Variants in NBPF20 observed in about 807,000 individuals in gnomAD.
NBPF20 encodes NBPF member 20.
Under a neutral mutation model 68.1 loss-of-function variants are expected in NBPF20, and 90 were observed. The ratio of observed to expected loss-of-function variants is 1.32; its 90% CI spans 1.11 to 1.58. NBPF20 has a LOEUF of 1.58. Ranked by LOEUF, NBPF20 falls within the 40% of genes most tolerant of loss-of-function variation. NBPF20 has a pLI of 0.00. For missense variants in NBPF20, 816 were observed against 601.2 expected (o/e 1.36, Z -3.74); for synonymous variants, 290 against 228.1 (o/e 1.27, Z -2.45).
rs1264204034 is a variant in NBPF20 at position 145,291,347 on chromosome 1, C to G, written c.*179G>C. The G allele has an allele frequency of 1.9e-4, 246 of 1,278,330 alleles. 4 individuals are homozygous for G. The highest frequency in any genetic ancestry group is 2.8e-4 in the Middle Eastern group (1 of 3,588). 79.2% of individuals were successfully genotyped at this position (1,278,330 alleles called of 1,614,324 possible). On this transcript the variant is annotated 3_prime_UTR_variant, in exon 138 of 138. Coordinates refer to ENST00000369373, the Ensembl canonical transcript of NBPF20. ...GAACGTGTCACACCTAACGTGGGTC[C>G]ATTGTCTTCAGACTGAGCACAGGTT...
At chr1:145,415,215 A>G in the NBPF20 span, among the ~76,000 whole-genome samples, 3 of 151,512 alleles carry the variant, frequency 2.0e-5, no homozygotes, top group South Asian at 6.3e-4. Flanking sequence ...AAACATCTCA[A>G]TGCCTTAAAG....
At chr1:145,412,473 CTG>C in the NBPF20 span, among the ~76,000 whole-genome samples, 1 of 152,006 alleles carries the variant, frequency 6.6e-6, no homozygotes, top group Non-Finnish European at 1.5e-5. Context: ...ATATTATAAA[CTG>C]TATCATCTTA....
exon 138 of NBPF20, chr1:145,291,691 T>C (rs587679353): frequency 2.5e-6 from 4 of 1,611,912 alleles, no homozygotes; most frequent in Non-Finnish European, 3.4e-6. Context: ...CAAAGTACAT[T>C]GACGGAGTAG....
chr1:145,407,660 G>A (rs1402105849), upstream of NBPF20: 2 of 151,366 alleles, frequency 1.3e-5, no homozygotes, highest in East Asian at 3.9e-4. Context: ...GTGGCGAGGA[G>A]GACAGCACCT....
intron 2 of NBPF20, among the ~76,000 whole-genome samples, chr1:145,403,897 G>A (rs1662642685): frequency 6.6e-6 from 1 of 151,560 alleles, no homozygotes. Context: ...TAAAGTTTGT[G>A]TTAATTTAGA....
the NBPF20 span, among the ~76,000 whole-genome samples, chr1:145,419,881 C>T: frequency 2.0e-5 from 3 of 152,148 alleles, no homozygotes; most frequent in Admixed American, 6.5e-5. Context: ...ACCAAGAATT[C>T]CACTGTGGCC....
chr1:145,422,714 T>C, the NBPF20 span, among the ~76,000 whole-genome samples: 1 of 152,140 alleles, frequency 6.6e-6, no homozygotes, highest in East Asian at 1.9e-4. Context: ...CATAGCCGGG[T>C]GGGGTGGCTC....
chr1:145,415,089 G>A, the NBPF20 span, among the ~76,000 whole-genome samples: 1 of 152,052 alleles, frequency 6.6e-6, no homozygotes. Flanking sequence ...GGGGGATGTG[G>A]CAGGACAATA....
At chr1:145,422,627 G>C in the NBPF20 span, among the ~76,000 whole-genome samples, 1 of 151,872 alleles carries the variant, frequency 6.6e-6, no homozygotes, top group African/African-American at 2.4e-5. Context: ...GTGCCAAACA[G>C]TGCAGAAGGA....
chr1:145,404,410 C>A (rs1378538179), intron 2 of NBPF20, among the ~76,000 whole-genome samples: 1 of 151,954 alleles, frequency 6.6e-6, no homozygotes, highest in Non-Finnish European at 1.5e-5. Context: ...AGTTGCCCAC[C>A]ACGACGCCCA....
the NBPF20 span, among the ~76,000 whole-genome samples, chr1:145,417,656 A>C: frequency 6.7e-6 from 1 of 149,760 alleles, no homozygotes; most frequent in Admixed American, 6.6e-5. Context: ...AAAGATCTCA[A>C]CACCTCATTA....
rs1662149904 is a variant in NBPF20 at position 145,394,925 on chromosome 1, G to T, written c.991+53C>A. The T allele has an allele frequency of 2.5e-6, 4 of 1,606,580 alleles. No individual in the cohort carries two copies. The East Asian group carries it at 6.7e-5, about 27-fold the overall frequency. Reference sequence around the variant, plus strand: ...GGGCACAAGGCCCAAAGATTATGGGGTCTACCTGGGCCATGAACTGGAGCT... The same window carrying T: ...GGGCACAAGGCCCAAAGATTATGGGTTCTACCTGGGCCATGAACTGGAGCT... On this transcript the variant is annotated intron_variant, in intron 8 of 137. Transcript: ENST00000369373.
At position 145,377,941 on chromosome 1, in the gene NBPF20, C is replaced by A. The variant is rs1233415326; in HGVS notation, c.3464+102G>T. ...AGCAATGTCAGGAGGAGTAATTCAACCTTCGTTGAAAACATGAAATTGAAC... is the reference window on the plus strand; with the variant it reads ...AGCAATGTCAGGAGGAGTAATTCAAACTTCGTTGAAAACATGAAATTGAAC... On this transcript the variant is annotated intron_variant, in intron 29 of 137. Transcript: ENST00000369373. The A allele has an allele frequency of 1.5e-5, 6 of 401,830 alleles. 1 individual carries two copies. Among genetic ancestry groups the A allele is most frequent in the East Asian group, 5.4e-5 (1 of 18,578 alleles). The allele number at this position is 401,830 out of a possible 1,614,324, so 24.9% of individuals were successfully genotyped here.
At chr1:145,419,067 A>AGGAGGAAGGGAG in the NBPF20 span, among the ~76,000 whole-genome samples, 2 of 136,954 alleles carry the variant, frequency 1.5e-5, no homozygotes, top group South Asian at 2.5e-4. Flanking sequence ...GAGGGAAGGA[A>AGGAGGAAGGGAG]GGAGGAAGGG....
the NBPF20 span, among the ~76,000 whole-genome samples, chr1:145,419,732 C>A: frequency 6.6e-6 from 1 of 152,090 alleles, no homozygotes; most frequent in African/African-American, 2.4e-5. Flanking sequence ...CCTCTCAATG[C>A]CTGCAGTGGT....
chr1:145,413,439 A>G, the NBPF20 span, among the ~76,000 whole-genome samples: 1 of 152,014 alleles, frequency 6.6e-6, no homozygotes, highest in Non-Finnish European at 1.5e-5. Context: ...AGAATGGATC[A>G]ATAAACTGTG....
At chr1:145,393,529 G>A (rs1274381973) in intron 9 of NBPF20, among the ~76,000 whole-genome samples, 3 of 151,824 alleles carry the variant, frequency 2.0e-5, no homozygotes, top group African/African-American at 7.3e-5. Flanking sequence ...ACACACTGAT[G>A]AGGGAGTCAA....
the NBPF20 span, among the ~76,000 whole-genome samples, chr1:145,422,559 G>A: frequency 6.6e-6 from 1 of 150,696 alleles, no homozygotes; most frequent in Non-Finnish European, 1.5e-5. Flanking sequence ...AACAGAAACA[G>A]ACCCACACTA....
At chr1:145,306,302 C>A (rs1235933182) in intron 119 of NBPF20, among the ~76,000 whole-genome samples, 1 of 136,476 alleles carries the variant, frequency 7.3e-6, no homozygotes, top group African/African-American at 2.9e-5. Flanking sequence ...CACACACAGA[C>A]ACACACACAC....
Sources: gnomAD v4.1 joint callset for allele counts (sites outside exome capture counted in the v4.1 genomes callset) on GRCh38, gnomAD v4.1.1 for gene constraint, MANE v1.5 for transcripts, NCBI Gene and HGNC (gene_info 2026-07-23, HGNC 2026-07-21) for gene names.